Variants in UBE2R2 observed in about 807,000 individuals in gnomAD.
The protein encoded by UBE2R2 is ubiquitin conjugating enzyme E2 R2.
A neutral mutation model predicts 27.8 loss-of-function variants in UBE2R2; 1 was observed. The ratio of observed to expected loss-of-function variants is 0.04; its 90% confidence interval spans 0.01 to 0.17. The LOEUF is 0.17. Ranked by LOEUF, UBE2R2 falls within the 10% of genes least tolerant of loss-of-function variation. The pLI is 1.00. For missense variants in UBE2R2, 100 were observed against 291.0 expected (o/e 0.34, Z 4.78); for synonymous variants, 106 against 113.3 (o/e 0.94, Z 0.41).
At chr9:33,857,143 G>A (rs938108349) in intron 1 of UBE2R2, among the ~76,000 whole-genome samples, 4 of 150,906 alleles carry the variant, frequency 2.7e-5, no homozygotes, top group African/African-American at 4.9e-5. Context: ...TGATCCGCCC[G>A]TCTGAGCCTC....
Position 33,817,583 on chromosome 9 carries a change from C to A in UBE2R2, c.-175C>A. The A allele has an allele frequency of 3.1e-6, 2 of 639,734 alleles. No individual in the cohort carries two copies. Among genetic ancestry groups the A allele is most frequent in the Non-Finnish European group, 4.0e-6 (2 of 494,884 alleles). The allele number at this position is 639,734 out of a possible 1,614,324, so 39.6% of individuals were successfully genotyped here. On this transcript the variant is annotated 5_prime_UTR_variant, in exon 1 of 5. Coordinates refer to ENST00000263228, the MANE Select transcript of UBE2R2 (RefSeq NM_017811.4). ...CGGCCTGCGTCGTGTGTGAGGAGGA[C>A]CCCGGGCGGGCCCACGGGCCGTGTG...
upstream of UBE2R2, among the ~76,000 whole-genome samples, chr9:33,815,355 T>C (rs1297782558): frequency 2.6e-5 from 4 of 152,242 alleles, no homozygotes; most frequent in African/African-American, 9.6e-5. Flanking sequence ...TTAATTGTAA[T>C]ACATGTACTC....
chr9:33,825,504 G>C (rs1412176041), intron 1 of UBE2R2, among the ~76,000 whole-genome samples: 1 of 152,098 alleles, frequency 6.6e-6, no homozygotes, highest in Non-Finnish European at 1.5e-5. Context: ...GCCTCCCAAA[G>C]TGCTGGGATT....
At chr9:33,887,122 T>C (rs1821877622) in intron 2 of UBE2R2, among the ~76,000 whole-genome samples, 155 bp downstream of exon 2, 1 of 152,196 alleles carries the variant, frequency 6.6e-6, no homozygotes, top group South Asian at 2.1e-4. Flanking sequence ...TCTGGATTAA[T>C]TATTTAACAT....
chr9:33,832,658 T>TA (rs374517545), intron 1 of UBE2R2, among the ~76,000 whole-genome samples: 2,439 of 134,152 alleles, frequency 0.018, 23 homozygotes, highest in Middle Eastern at 0.033. Context: ...AGACTCCGTC[T>TA]AAAAAAAAAA....
At chr9:33,821,531 G>C (rs1422862460) in intron 1 of UBE2R2, among the ~76,000 whole-genome samples, 1 of 151,994 alleles carries the variant, frequency 6.6e-6, no homozygotes, top group Non-Finnish European at 1.5e-5. Flanking sequence ...AACCTCCTTG[G>C]AACTTTTGCA....
Position 33,919,097 on chromosome 9 carries a change from T to G in UBE2R2, c.*1860T>G, listed in dbSNP as rs985890352. 1 of 152,518 alleles carries G rather than the reference T, an allele frequency of 6.6e-6. No individual in the cohort carries two copies. Among genetic ancestry groups the G allele is most frequent in the East Asian group, 1.9e-4 (1 of 5,180 alleles). 9.4% of individuals were successfully genotyped at this position (152,518 alleles called of 1,614,324 possible). On this transcript the variant is annotated 3_prime_UTR_variant, in exon 5 of 5. Coordinates refer to ENST00000263228, the MANE Select transcript of UBE2R2 (RefSeq NM_017811.4). ...ATCTCCACAGGGCCAGGGTTGCTAC[T>G]TGCACCCAGAATCTAGTGATTTTAG...
intron 1 of UBE2R2, among the ~76,000 whole-genome samples, chr9:33,873,653 T>G (rs1821537152): frequency 6.6e-6 from 1 of 152,252 alleles, no homozygotes; most frequent in African/African-American, 2.4e-5. Flanking sequence ...AAAACTTTTT[T>G]GGGGAGGGGC....
intron 1 of UBE2R2, among the ~76,000 whole-genome samples, chr9:33,872,298 C>T (rs1821503008): frequency 6.6e-6 from 1 of 151,494 alleles, no homozygotes; most frequent in Admixed American, 6.6e-5. Context: ...GAGGCTGAGG[C>T]AGGAGATTCA....
At chr9:33,873,493 T>C (rs1474354769) in intron 1 of UBE2R2, among the ~76,000 whole-genome samples, 2 of 152,222 alleles carry the variant, frequency 1.3e-5, no homozygotes, top group African/African-American at 4.8e-5. Context: ...GTATATGCAC[T>C]GTATAACTGC....
intron 4 of UBE2R2, among the ~76,000 whole-genome samples, chr9:33,914,725 G>A (rs1240473040): frequency 6.6e-6 from 1 of 152,070 alleles, no homozygotes. Flanking sequence ...CTACTCGGGA[G>A]GCTGAAGGCA....
In UBE2R2 at chr9:33,817,925, C is replaced by G; in HGVS notation, c.168C>G (p.Gly56=). Reference sequence around the variant, plus strand: ...CCCCCAACACCCTCTACGAAGGCGGCTACTTCAAGGTACCCTCACCCTCCT... The same window carrying G: ...CCCCCAACACCCTCTACGAAGGCGGGTACTTCAAGGTACCCTCACCCTCCT... ...FGPPNTLYEG[G]YFKAHIKFPI... is the part of the protein sequence containing the mutation. Residue 56 remains glycine, a synonymous_variant, in exon 1 of 5, where the codon GGC becomes GGG. Coordinates refer to ENST00000263228, the MANE Select transcript of UBE2R2 (RefSeq NM_017811.4). 6.2e-7 allele frequency: 1 copy of G among 1,608,234 alleles called. No homozygotes were observed. Among genetic ancestry groups the G allele is most frequent in the Non-Finnish European group, 8.5e-7 (1 of 1,176,920 alleles).
At chr9:33,821,900 G>A (rs955388489) in intron 1 of UBE2R2, among the ~76,000 whole-genome samples, 1 of 151,966 alleles carries the variant, frequency 6.6e-6, no homozygotes, top group African/African-American at 2.4e-5. Flanking sequence ...CTAATTAGAG[G>A]CCTGAGCCAC....
At chr9:33,844,960 G>A (rs1181556074) in intron 1 of UBE2R2, among the ~76,000 whole-genome samples, 2 of 151,738 alleles carry the variant, frequency 1.3e-5, no homozygotes, top group Non-Finnish European at 2.9e-5. Flanking sequence ...GTAGAGACGG[G>A]GTTTCACCAT....
At chr9:33,826,881 G>A (rs765301507) in intron 1 of UBE2R2, among the ~76,000 whole-genome samples, 1 of 152,102 alleles carries the variant, frequency 6.6e-6, no homozygotes, top group Non-Finnish European at 1.5e-5. Context: ...TCGGAAGTTC[G>A]AGACCAGCCT....
intron 1 of UBE2R2, among the ~76,000 whole-genome samples, chr9:33,865,228 G>C (rs903711170): frequency 6.6e-6 from 1 of 151,458 alleles, no homozygotes; most frequent in Admixed American, 6.6e-5. Context: ...TTAAGACAGA[G>C]TCTTGCTCTG....
chr9:33,844,566 A>G (rs1820799142), intron 1 of UBE2R2, among the ~76,000 whole-genome samples: 1 of 133,974 alleles, frequency 7.5e-6, no homozygotes, highest in Non-Finnish European at 1.6e-5. Context: ...TTTCTTTAGC[A>G]GATTCCATTT....
intron 1 of UBE2R2, among the ~76,000 whole-genome samples, chr9:33,867,183 C>T (rs971578010): frequency 1.6e-4 from 24 of 152,006 alleles, no homozygotes; most frequent in African/African-American, 5.8e-4. Context: ...CCACCGTGCC[C>T]GGCCATAATT....
At chr9:33,816,344 T>C (rs1587416228), upstream of UBE2R2, among the ~76,000 whole-genome samples, 1 of 151,986 alleles carries the variant, frequency 6.6e-6, no homozygotes, top group Non-Finnish European at 1.5e-5. Context: ...AGTTCCAGGG[T>C]GGACATTCAA....
Sources: gnomAD v4.1 joint callset for allele counts (sites outside exome capture counted in the v4.1 genomes callset) on GRCh38, gnomAD v4.1.1 for gene constraint, MANE v1.5 for transcripts, NCBI Gene and HGNC (gene_info 2026-07-23, HGNC 2026-07-21) for gene names.